KIF2C: variants seen among roughly 807,000 people sequenced by gnomAD.
The protein encoded by KIF2C is kinesin family member 2C.
KIF2C carries 34 observed loss-of-function variants against 97.4 expected under a neutral mutation model. The ratio of observed to expected loss-of-function variants is 0.35; its 90% CI spans 0.27 to 0.46. The LOEUF (loss-of-function observed/expected upper bound fraction) is 0.46, where lower values mean the gene tolerates loss of function less well. KIF2C is among the 20% of genes least tolerant of loss of function. The probability of loss-of-function intolerance (pLI) is 1.00; values close to 1 mark genes in which losing one functional copy is unlikely to be tolerated. For missense variants in KIF2C, 750 were observed against 907.6 expected (o/e 0.83, Z 2.23); for synonymous variants, 313 against 318.2 (o/e 0.98, Z 0.17).
At position 44,760,411 on chromosome 1, in the gene KIF2C, C is replaced by T. The variant is rs143983165; in HGVS notation, c.1499C>T (p.Ala500Val). ...GATCTGGCAGGGAATGAGCGAGGCG[C>T]GGACACTTCCAGTGCTGACCGGCAG... ...LVDLAGNERG[A>V]DTSSADRQTR... The change falls in exon 15 of 21, where the codon GCG becomes GTG. Residue 500 changes from alanine (A) to valine (V), a missense_variant. Ala to Val is a moderately conservative substitution (Grantham distance 64, BLOSUM62 0). Coordinates refer to ENST00000372224, the MANE Select transcript of KIF2C (RefSeq NM_006845.4). This position sits in a 1 kb window ranked among gnomAD's most constrained non-coding sequence, Gnocchi z 4.2. 78 of 1,614,098 alleles carry T rather than the reference C, an allele frequency of 4.8e-5. No individual in the cohort carries two copies. Among genetic ancestry groups the T allele is most frequent in the Non-Finnish European group, 6.1e-5 (72 of 1,180,044 alleles).
Position 44,759,266 on chromosome 1 carries a change from G to A in KIF2C, c.1285G>A (p.Val429Met). The A allele has an allele frequency of 6.2e-7, 1 of 1,614,198 alleles. No homozygotes were observed. The highest frequency in any genetic ancestry group is 8.5e-7 in the Non-Finnish European group (1 of 1,180,044). ...LRVLEDGKQQ[V>M]QVVGLQEHLV... ...CGTGCTGGAGGACGGCAAGCAACAG[G>A]TGCAAGTGGTGGGGCTGCAGGAGCA... The change falls in exon 14 of 21, where the codon GTG becomes ATG. Residue 429 changes from valine to methionine, a missense_variant. Physicochemically the swap from Val to Met is conservative, Grantham distance 21. Coordinates refer to ENST00000372224, the MANE Select transcript of KIF2C (RefSeq NM_006845.4).
chr1:44,763,783 C>T (rs1471315018), intron 19 of KIF2C, among the ~76,000 whole-genome samples: 2 of 152,160 alleles, frequency 1.3e-5, no homozygotes, highest in East Asian at 3.9e-4. Flanking sequence ...TGCCTGTAAT[C>T]CCAACACGTT....
chr1:44,745,908 G>T (rs542776408), intron 2 of KIF2C, among the ~76,000 whole-genome samples: 170 of 150,360 alleles, frequency 1.1e-3, no homozygotes, highest in African/African-American at 3.8e-3. Flanking sequence ...ACGGAGTCTC[G>T]CTGTGTCGCC....
At chr1:44,765,695 T>A (rs867061277) in intron 19 of KIF2C, among the ~76,000 whole-genome samples, 4 of 152,042 alleles carry the variant, frequency 2.6e-5, no homozygotes, top group African/African-American at 9.7e-5. Flanking sequence ...AATAGCCTGG[T>A]GTGGTGGCGC....
intron 19 of KIF2C, among the ~76,000 whole-genome samples, chr1:44,763,820 G>A (rs1650297988): frequency 6.6e-6 from 1 of 152,118 alleles, no homozygotes; most frequent in Admixed American, 6.5e-5. Context: ...TGGATCATGA[G>A]GTCAGGAGTT....
chr1:44,752,115 C>T (rs1293018360), intron 5 of KIF2C, among the ~76,000 whole-genome samples: 12 of 148,672 alleles, frequency 8.1e-5, no homozygotes, highest in Admixed American at 2.0e-4. Flanking sequence ...CCACTGCGCC[C>T]GGCCTATATT....
chr1:44,765,938 G>A (rs945939838), intron 19 of KIF2C, among the ~76,000 whole-genome samples: 13 of 152,222 alleles, frequency 8.5e-5, no homozygotes, highest in African/African-American at 3.1e-4. Flanking sequence ...TGTAATCCCA[G>A]CTACTTGGGA....
chr1:44,748,112 A>C (rs892084403), intron 4 of KIF2C, among the ~76,000 whole-genome samples: 1 of 152,108 alleles, frequency 6.6e-6, no homozygotes, highest in African/African-American at 2.4e-5. Context: ...ATAGAGAGGG[A>C]TGGCTGGGGC....
At position 44,753,263 on chromosome 1, in the gene KIF2C, ACT is replaced by A; in HGVS notation, c.562+10_562+11del. On this transcript the variant is annotated intron_variant, in intron 6 of 20. Coordinates refer to ENST00000372224, the MANE Select transcript of KIF2C (RefSeq NM_006845.4). ...AAACCCTGTGAACTCAGGTAGACAC[ACT>A]GAGCTGTCTGCTGTTCTGCTTCTAG... The A allele has an allele frequency of 1.2e-6, 2 of 1,608,964 alleles. No individual in the cohort carries two copies. Among genetic ancestry groups the A allele is most frequent in the Non-Finnish European group, 8.5e-7 (1 of 1,176,262 alleles).
chr1:44,759,139 G>C (rs1650002607), intron 13 of KIF2C, 67 bp from the exon 14 acceptor site: 2 of 1,601,074 alleles, frequency 1.2e-6, no homozygotes. Flanking sequence ...AGGCTAGTAG[G>C]AGGAAGCAGT....
intron 13 of KIF2C, chr1:44,758,997 A>C (rs1649995797): frequency 1.7e-6 from 1 of 583,774 alleles, no homozygotes; most frequent in Admixed American, 3.0e-5. Context: ...TCACACAGCT[A>C]GTAAGTTACC....
intron 19 of KIF2C, among the ~76,000 whole-genome samples, chr1:44,764,322 C>T (rs1456656081): frequency 6.6e-6 from 1 of 151,582 alleles, no homozygotes; most frequent in Non-Finnish European, 1.5e-5. Flanking sequence ...ATTACAGGTG[C>T]GTGCCACCAT....
intron 1 of KIF2C, 34 bp downstream of exon 1, chr1:44,740,036 G>A: frequency 6.2e-7 from 1 of 1,613,360 alleles, no homozygotes; most frequent in Non-Finnish European, 8.5e-7. Context: ...AAGGGGACTC[G>A]TGAGCGGTGA....
intron 2 of KIF2C, among the ~76,000 whole-genome samples, chr1:44,744,641 T>G (rs1182491719): frequency 6.6e-6 from 1 of 151,932 alleles, no homozygotes; most frequent in African/African-American, 2.4e-5. Flanking sequence ...TGGCTCACAC[T>G]TGTAATCCCA....
At chr1:44,750,784 A>G (rs560329399) in intron 5 of KIF2C, among the ~76,000 whole-genome samples, 1 of 152,334 alleles carries the variant, frequency 6.6e-6, no homozygotes, top group Admixed American at 6.5e-5. Context: ...AACACATAGC[A>G]TTGAGTATTT....
At position 44,760,884 on chromosome 1, in the gene KIF2C, A is replaced by G; in HGVS notation, c.1683+182A>G. On this transcript the variant is annotated intron_variant, in intron 16 of 20. Coordinates refer to ENST00000372224, the MANE Select transcript of KIF2C (RefSeq NM_006845.4). The surrounding 1 kb of genome is among the most constrained non-coding windows in gnomAD (Gnocchi z 4.2). ...CACGAGACTCCTTGTGGCCTAACCA[A>G]GCGTGGAGGAAAGGATCTATTCCCT... 1.7e-6 allele frequency: 1 copy of G among 595,008 alleles called. No individual in the cohort carries two copies. Among genetic ancestry groups the G allele is most frequent in the Non-Finnish European group, 3.0e-6 (1 of 332,618 alleles). 36.9% of individuals were successfully genotyped at this position (595,008 alleles called of 1,614,324 possible).
intron 2 of KIF2C, among the ~76,000 whole-genome samples, chr1:44,742,596 G>A (rs1297299900): frequency 6.6e-6 from 1 of 151,824 alleles, no homozygotes; most frequent in Non-Finnish European, 1.5e-5. Context: ...GCACGGGCCT[G>A]TAATCCCAGC....
At chr1:44,742,718 C>CAA (rs5773851) in intron 2 of KIF2C, among the ~76,000 whole-genome samples, 70 of 87,172 alleles carry the variant, frequency 8.0e-4, no homozygotes, top group Non-Finnish European at 1.2e-3. Flanking sequence ...AACTTCGTCT[C>CAA]AAAAAAAAAA....
intron 7 of KIF2C, 41 bp from the exon 8 acceptor site, chr1:44,754,709 A>G (rs764838303): frequency 8.4e-7 from 1 of 1,193,762 alleles, no homozygotes; most frequent in Non-Finnish European, 1.3e-6. Context: ...GAGCACTTAT[A>G]TCTTAACAGT....
Sources: allele counts gnomAD v4.1 joint callset (sites outside exome capture counted in the v4.1 genomes callset), GRCh38; gene constraint gnomAD v4.1.1; non-coding constraint Gnocchi (gnomAD v3.1); transcripts MANE v1.5; gene names NCBI Gene and HGNC (gene_info 2026-07-23, HGNC 2026-07-21).